Variants in KLRG2 observed in about 807,000 individuals in gnomAD.
The protein encoded by KLRG2 is killer cell lectin-like receptor subfamily G member 2.
Under a neutral mutation model 35.4 loss-of-function variants are expected in KLRG2, and 39 were observed. The ratio of observed to expected loss-of-function variants is 1.10; its 90% confidence interval spans 0.85 to 1.44. The LOEUF (loss-of-function observed/expected upper bound fraction) is 1.44. KLRG2 is among the 40% of genes most tolerant of loss of function. The pLI is 0.00. For missense variants in KLRG2, 632 were observed against 570.9 expected, an observed-to-expected ratio of 1.11 and a Z score of -1.09; for synonymous variants, 283 against 265.8, an observed-to-expected ratio of 1.06 and a Z score of -0.63.
At chr7:139,436,719 C>T in the KLRG2 span, among the ~76,000 whole-genome samples, 3 of 152,232 alleles carry the variant, frequency 2.0e-5, no homozygotes, top group African/African-American at 4.8e-5. Context: ...CTCTTTCTTG[C>T]GTAGGCAGCT....
At chr7:139,463,956 A>G (rs1418781117) in intron 3 of KLRG2, among the ~76,000 whole-genome samples, 1 of 151,902 alleles carries the variant, frequency 6.6e-6, no homozygotes, top group Non-Finnish European at 1.5e-5. Context: ...AGGCTTCTAG[A>G]CCTCTTAAAA....
chr7:139,453,849 C>A, intron 4 of KLRG2, 142 bp from the exon 5 acceptor site: 2 of 991,004 alleles, frequency 2.0e-6, no homozygotes. Flanking sequence ...AGCCACGTGG[C>A]ACTGGATGAA....
chr7:139,439,060 C>T, the KLRG2 span, among the ~76,000 whole-genome samples: 1 of 152,016 alleles, frequency 6.6e-6, no homozygotes, highest in Non-Finnish European at 1.5e-5. Flanking sequence ...CCCAGGAATC[C>T]GGGAGAAATG....
rs190768296 is a variant in KLRG2 at position 139,457,672 on chromosome 7, C to A, written c.1006-3458G>T. Among the ~76,000 whole-genome samples the A allele has an allele frequency of 9.9e-4, 151 of 152,266 alleles. 1 individual carries two copies. The highest frequency in any genetic ancestry group is 3.2e-3 in the African/African-American group (133 of 41,542). On this transcript the variant is annotated intron_variant, in intron 3 of 4. Coordinates refer to ENST00000340940, the MANE Select transcript of KLRG2 (RefSeq NM_198508.4). ...AGAGGACCCTGTCCTTCTGTCAGAG[C>A]CCCAAGCTATCTGCCTCTCTCACCC...
chr7:139,439,450 C>T, the KLRG2 span, among the ~76,000 whole-genome samples: 9 of 152,204 alleles, frequency 5.9e-5, no homozygotes, highest in Non-Finnish European at 1.2e-4. Flanking sequence ...GAGACCAGGG[C>T]GTGCAGTTAG....
the KLRG2 span, among the ~76,000 whole-genome samples, chr7:139,429,832 T>G: frequency 6.6e-6 from 1 of 152,126 alleles, no homozygotes; most frequent in Non-Finnish European, 1.5e-5. Context: ...CCCCCCCCTT[T>G]CTATTCCACA....
chr7:139,451,842 G>A (rs1796381214), downstream of KLRG2, among the ~76,000 whole-genome samples: 1 of 152,040 alleles, frequency 6.6e-6, no homozygotes, highest in Non-Finnish European at 1.5e-5. Flanking sequence ...CAGATCCTGG[G>A]AACACATGGC....
At chr7:139,452,103 G>A (rs1183203677), downstream of KLRG2, among the ~76,000 whole-genome samples, 1 of 151,454 alleles carries the variant, frequency 6.6e-6, no homozygotes, top group Non-Finnish European at 1.5e-5. Context: ...CGAGTAGCTA[G>A]AATTACAGGC....
chr7:139,460,059 T>C (rs1796542845), intron 3 of KLRG2, among the ~76,000 whole-genome samples: 1 of 152,168 alleles, frequency 6.6e-6, no homozygotes, highest in African/African-American at 2.4e-5. Context: ...CATATTTGTA[T>C]ATTTTTAGTA....
the KLRG2 span, among the ~76,000 whole-genome samples, chr7:139,428,419 A>C: frequency 5.3e-5 from 8 of 151,870 alleles, no homozygotes; most frequent in African/African-American, 1.9e-4. Flanking sequence ...ATTTTTTAAA[A>C]AATTTTTTAA....
Position 139,483,298 on chromosome 7 carries a change from C to A in KLRG2, c.345G>T (p.Ala115=). The part of the protein sequence containing the change: ...RNGEAPGAEP[A]PSAWAPMELQ... Reference sequence around the variant, plus strand: ...GCTCCATGGGCGCCCAGGCGCTGGGCGCAGGCTCAGCCCCGGGCGCCTCGC... The same window carrying A: ...GCTCCATGGGCGCCCAGGCGCTGGGAGCAGGCTCAGCCCCGGGCGCCTCGC... Residue 115 remains alanine, a synonymous_variant, in exon 1 of 5, where the codon GCG becomes GCT. Transcript: ENST00000340940. 1.3e-6 allele frequency: 2 copies of A among 1,557,020 alleles called. No individual in the cohort carries two copies. Among genetic ancestry groups the A allele is most frequent in the South Asian group, 1.2e-5 (1 of 86,066 alleles).
the KLRG2 span, among the ~76,000 whole-genome samples, chr7:139,443,501 T>C: frequency 2.6e-5 from 4 of 152,290 alleles, no homozygotes; most frequent in African/African-American, 7.2e-5. Context: ...GAAACAGTAT[T>C]AGTCAGGGTT....
the KLRG2 span, among the ~76,000 whole-genome samples, chr7:139,429,735 TA>T: frequency 6.6e-6 from 1 of 152,220 alleles, no homozygotes; most frequent in African/African-American, 2.4e-5. Context: ...GAATTGTTCT[TA>T]GTACAGAACA....
At chr7:139,480,342 A>C in intron 1 of KLRG2, 95 bp from the exon 2 acceptor site, 1 of 668,568 alleles carries the variant, frequency 1.5e-6, no homozygotes, top group Non-Finnish European at 2.8e-6. Context: ...CATCTCACCC[A>C]CCTCACCCCA....
At chr7:139,432,054 A>T in the KLRG2 span, among the ~76,000 whole-genome samples, 2 of 68,958 alleles carry the variant, frequency 2.9e-5, no homozygotes, top group African/African-American at 3.6e-4. Flanking sequence ...GTATGTTTTA[A>T]AAAAAAAAAA....
chr7:139,456,492 A>C (rs944863340), intron 3 of KLRG2, among the ~76,000 whole-genome samples: 1 of 152,112 alleles, frequency 6.6e-6, no homozygotes, highest in African/African-American at 2.4e-5. Context: ...CAGCCTCCCA[A>C]GTAGCTGGGA....
intron 3 of KLRG2, among the ~76,000 whole-genome samples, chr7:139,456,230 T>C (rs6955071): frequency 0.093 from 14,143 of 152,248 alleles, 1,623 homozygotes; most frequent in African/African-American, 0.28. Context: ...ACCTCCTCCA[T>C]CCTTCAGAAC....
At chr7:139,428,409 AT>A in the KLRG2 span, among the ~76,000 whole-genome samples, 8 of 151,842 alleles carry the variant, frequency 5.3e-5, no homozygotes, top group African/African-American at 1.9e-4. Context: ...CACTCAGCTA[AT>A]TTTTTAAAAA....
At chr7:139,479,883 C>T in intron 2 of KLRG2, 111 bp from the exon 3 acceptor site, 2 of 1,241,714 alleles carry the variant, frequency 1.6e-6, no homozygotes, top group Non-Finnish European at 2.2e-6. Flanking sequence ...TCAAGGTGGG[C>T]AGGGCCCCAG....
Sources: allele counts gnomAD v4.1 joint callset (sites outside exome capture counted in the v4.1 genomes callset), GRCh38; gene constraint gnomAD v4.1.1; transcripts MANE v1.5; gene names NCBI Gene and HGNC (gene_info 2026-07-23, HGNC 2026-07-21).